Variants in AP3B1 observed in about 807,000 individuals in gnomAD.
The protein encoded by AP3B1 is AP-3 complex subunit beta-1.
A neutral mutation model predicts 132.5 loss-of-function variants in AP3B1; 61 were observed. The ratio of observed to expected loss-of-function variants is 0.46; its 90% CI spans 0.37 to 0.57. The LOEUF (loss-of-function observed/expected upper bound fraction) is 0.57. AP3B1 is among the 20% of genes least tolerant of loss of function. AP3B1 has a pLI of 0.00. For missense variants in AP3B1, 1,120 were observed against 1,289.4 expected (o/e 0.87, Z 2.01); for synonymous variants, 388 against 438.3 (o/e 0.89, Z 1.43).
At chr5:78,069,878 G>T (rs1045893944) in intron 22 of AP3B1, among the ~76,000 whole-genome samples, 2 of 152,108 alleles carry the variant, frequency 1.3e-5, no homozygotes, top group Non-Finnish European at 2.9e-5. Flanking sequence ...AACCCAAATA[G>T]ACTGGTACTG....
At chr5:78,256,154 A>T (rs896695715) in intron 2 of AP3B1, among the ~76,000 whole-genome samples, 1 of 152,058 alleles carries the variant, frequency 6.6e-6, no homozygotes, top group Non-Finnish European at 1.5e-5. Flanking sequence ...AAATTAGTAG[A>T]AGAAAAGAAA....
chr5:78,153,704 A>ATAT (rs1742998305), intron 14 of AP3B1, among the ~76,000 whole-genome samples: 1 of 151,886 alleles, frequency 6.6e-6, no homozygotes, highest in Admixed American at 6.6e-5. Context: ...CTTGTTTTTT[A>ATAT]TATTTTGTGT....
At chr5:78,066,414 C>G (rs148321838) in intron 22 of AP3B1, among the ~76,000 whole-genome samples, 67 of 152,192 alleles carry the variant, frequency 4.4e-4, no homozygotes, top group Middle Eastern at 3.4e-3. Context: ...AGCTAAGAAC[C>G]GTGATAAAAC....
intron 2 of AP3B1, among the ~76,000 whole-genome samples, chr5:78,247,553 G>T (rs187945859): frequency 1.4e-4 from 21 of 151,276 alleles, no homozygotes; most frequent in Admixed American, 1.1e-3. Context: ...TTAGACACAT[G>T]TAAGATTATT....
intron 1 of AP3B1, among the ~76,000 whole-genome samples, chr5:78,281,159 G>A (rs1001549386): frequency 6.6e-6 from 1 of 152,118 alleles, no homozygotes; most frequent in African/African-American, 2.4e-5. Context: ...TCTCGGCCGG[G>A]CGCAGTGGCT....
chr5:78,124,577 A>C (rs1752383309), intron 17 of AP3B1, among the ~76,000 whole-genome samples: 2 of 152,200 alleles, frequency 1.3e-5, no homozygotes, highest in Non-Finnish European at 1.5e-5. Flanking sequence ...CATGTCTCAA[A>C]AAAATAAATA....
In AP3B1 at chr5:78,036,291, A is replaced by G. The variant is rs1247510963; in HGVS notation, c.2810-1846T>C. ...AAACTCATTCAAATAATGGATTTTT[A>G]TAATACTTGGAGCCGACTAAACTGG... is the stretch of plus-strand genomic sequence containing the variant. On this transcript the variant is annotated intron_variant, in intron 23 of 26. Coordinates refer to ENST00000255194, the MANE Select transcript of AP3B1 (RefSeq NM_003664.5). Among the ~76,000 whole-genome samples the G allele has an allele frequency of 2.0e-5, 3 of 152,288 alleles. No individual in the cohort carries two copies. In the East Asian group the frequency reaches 5.8e-4, roughly 29 times the overall value.
chr5:78,079,691 T>C (rs900270672), intron 22 of AP3B1, among the ~76,000 whole-genome samples: 1 of 152,192 alleles, frequency 6.6e-6, no homozygotes, highest in African/African-American at 2.4e-5. Flanking sequence ...CTCACATTTA[T>C]AAAAACCTGT....
intron 3 of AP3B1, among the ~76,000 whole-genome samples, chr5:78,233,387 C>T (rs768171950): frequency 1.6e-4 from 25 of 152,178 alleles, no homozygotes; most frequent in Admixed American, 3.3e-4. Context: ...GCGCATGCCA[C>T]CACGCCCAGC....
At chr5:78,053,801 C>G (rs1748693490) in intron 22 of AP3B1, among the ~76,000 whole-genome samples, 1 of 152,012 alleles carries the variant, frequency 6.6e-6, no homozygotes, top group Admixed American at 6.6e-5. Flanking sequence ...CGAGGTCTCT[C>G]TAATTTGCCC....
chr5:78,071,816 A>G (rs1335496387), intron 22 of AP3B1, among the ~76,000 whole-genome samples: 4 of 152,136 alleles, frequency 2.6e-5, no homozygotes, highest in Non-Finnish European at 4.4e-5. Flanking sequence ...CCCTTCCCCT[A>G]TGCTGATGAT....
chr5:78,292,452 G>T (rs746116384), intron 1 of AP3B1, among the ~76,000 whole-genome samples: 36 of 152,166 alleles, frequency 2.4e-4, no homozygotes, highest in Non-Finnish European at 5.0e-4. Context: ...ATTTCATCAA[G>T]TAGTAAGTAG....
rs1247205502 is a variant in AP3B1, at chr5:78,227,432, G to A, written c.476C>T (p.Ser159Phe). The change falls in exon 5 of 27, where the codon TCT becomes TTT. Residue 159 changes from serine to phenylalanine, a missense_variant. Around this residue, in one of 3 missense-constraint regions of AP3B1, gnomAD observed 129 missense variants for 212.4 expected, o/e 0.61. Transcript: ENST00000255194. ...PIMMLAIKEA[S>F]ADLSPYVRKN... ...CCTAACATATGGTGATAAGTCAGCA[G>A]AAGCTTCCTTAATAGCAAGCATCAT... The A allele has an allele frequency of 6.2e-7, 1 of 1,613,624 alleles. No homozygotes were observed. The highest frequency in any genetic ancestry group is 1.7e-5 in the Admixed American group (1 of 59,996).
chr5:78,194,596 G>A (rs1745003459), intron 7 of AP3B1, among the ~76,000 whole-genome samples: 1 of 152,028 alleles, frequency 6.6e-6, no homozygotes, highest in African/African-American at 2.4e-5. Flanking sequence ...TTACTTCTAA[G>A]GCCATAAAAC....
At chr5:78,116,963 C>G (rs910235322) in intron 17 of AP3B1, among the ~76,000 whole-genome samples, 1 of 152,126 alleles carries the variant, frequency 6.6e-6, no homozygotes, top group South Asian at 2.1e-4. Context: ...GAAGTCCCTA[C>G]AACAGTCTGC....
rs749416495 is a variant in AP3B1, at chr5:78,231,449, T to C, written c.280-3210A>G. ...TCGGCCTCCCAAAGTGCTGGGATTATAGGTGTGAGCCACCATACCTGGCCT... is the reference window on the plus strand; with the variant it reads ...TCGGCCTCCCAAAGTGCTGGGATTACAGGTGTGAGCCACCATACCTGGCCT... On this transcript the variant is annotated intron_variant, in intron 3 of 26. Coordinates refer to ENST00000255194, the MANE Select transcript of AP3B1 (RefSeq NM_003664.5). 5.9e-5 allele frequency among the ~76,000 whole-genome samples: 9 copies of C among 152,176 alleles called. No homozygotes were observed. In the South Asian group the frequency reaches 1.2e-3, roughly 21 times the overall value.
intron 22 of AP3B1, among the ~76,000 whole-genome samples, chr5:78,085,291 C>T (rs1750191061): frequency 6.6e-6 from 1 of 152,168 alleles, no homozygotes; most frequent in Non-Finnish European, 1.5e-5. Context: ...TTTAATTCTA[C>T]ATTTTTTCAT....
At position 78,227,483 on chromosome 5, in the gene AP3B1, A is replaced by C. The variant is rs751745191; in HGVS notation, c.425T>G (p.Ile142Ser). The change falls in exon 5 of 27, where the codon ATT becomes AGT. Residue 142 changes from isoleucine (I) to serine (S), a missense_variant. Transcript: ENST00000255194. ...RASALRVLSS[I>S]RVPIIVPIMM... ...GATAGGTACAATAATTGGCACTCTAATACTTGACAGAACTCTCAAAGCGCT... is the reference window on the plus strand; with the variant it reads ...GATAGGTACAATAATTGGCACTCTACTACTTGACAGAACTCTCAAAGCGCT... 2 of 1,613,684 alleles carry C rather than the reference A, an allele frequency of 1.2e-6. No individual in the cohort carries two copies. The highest frequency in any genetic ancestry group is 1.7e-6 in the Non-Finnish European group (2 of 1,179,792).
chr5:78,118,573 T>C (rs915977450), intron 17 of AP3B1, among the ~76,000 whole-genome samples: 3 of 152,174 alleles, frequency 2.0e-5, no homozygotes, highest in African/African-American at 7.2e-5. Flanking sequence ...GTCTTGCTGA[T>C]TGCTAGCACA....
Sources: allele counts gnomAD v4.1 joint callset (sites outside exome capture counted in the v4.1 genomes callset), GRCh38; gene constraint gnomAD v4.1.1; regional missense constraint gnomAD v4.1.1; transcripts MANE v1.5; gene names NCBI Gene and HGNC (gene_info 2026-07-23, HGNC 2026-07-21).